The following RGS6 variants were observed in gnomAD, a reference collection of about 807,000 sequenced individuals.
RGS6 encodes regulator of G-protein signaling 6.
RGS6 carries 30 observed loss-of-function variants against 78.5 expected under a neutral mutation model. The observed-to-expected ratio is 0.38, with a 90% CI of 0.29 to 0.52. The LOEUF (loss-of-function observed/expected upper bound fraction) is 0.52. Ranked by LOEUF, RGS6 falls within the 20% of genes least tolerant of loss-of-function variation. RGS6 has a pLI of 0.85. For synonymous variants in RGS6, 206 were observed against 206.0 expected (o/e 1.00, Z 0.00); for missense variants, 495 against 609.7 (o/e 0.81, Z 1.98).
intron 2 of RGS6, among the ~76,000 whole-genome samples, chr14:71,991,769 A>G (rs1487511003): frequency 6.6e-6 from 1 of 152,134 alleles, no homozygotes; most frequent in Non-Finnish European, 1.5e-5. Context: ...TTTTCTTGTG[A>G]CAGTCAATAT....
At chr14:72,608,672 G>C in the RGS6 span, among the ~76,000 whole-genome samples, 1 of 152,184 alleles carries the variant, frequency 6.6e-6, no homozygotes, top group Non-Finnish European at 1.5e-5. Context: ...CTCTACTCCT[G>C]CAGATGAAGC....
chr14:71,897,493 T>G, the RGS6 span, among the ~76,000 whole-genome samples: 1 of 152,110 alleles, frequency 6.6e-6, no homozygotes, highest in African/African-American at 2.4e-5. Context: ...TCATTACCCA[T>G]TGTTAGATTT....
chr14:72,437,355 A>G (rs910290142), intron 3 of RGS6, among the ~76,000 whole-genome samples: 2 of 123,598 alleles, frequency 1.6e-5, no homozygotes, highest in East Asian at 2.7e-4. Flanking sequence ...AAAAAAAAAA[A>G]AAAAAAAGGA....
intron 17 of RGS6, among the ~76,000 whole-genome samples, chr14:72,552,005 G>A (rs61489880): frequency 0.026 from 4,009 of 152,320 alleles, 97 homozygotes; most frequent in East Asian, 0.11. Context: ...CTTAGAATCA[G>A]TTTCATCATT....
intron 2 of RGS6, among the ~76,000 whole-genome samples, chr14:72,224,220 A>T (rs1042515230): frequency 3.3e-5 from 5 of 152,154 alleles, no homozygotes; most frequent in Admixed American, 2.0e-4. Context: ...GGAGTTCAAA[A>T]CCAGCCTGGG....
At chr14:72,314,892 T>C (rs1457280830) in intron 2 of RGS6, among the ~76,000 whole-genome samples, 1 of 152,250 alleles carries the variant, frequency 6.6e-6, no homozygotes, top group East Asian at 1.9e-4. Context: ...TGATAAATTC[T>C]GTGCATGTGA....
At chr14:72,426,158 A>T (rs1317966000) in intron 3 of RGS6, among the ~76,000 whole-genome samples, 1 of 152,214 alleles carries the variant, frequency 6.6e-6, no homozygotes. Context: ...TCTAAGCTAT[A>T]TTACTAAGTT....
intron 2 of RGS6, among the ~76,000 whole-genome samples, chr14:72,085,040 C>T (rs1019694408): frequency 6.6e-6 from 1 of 152,160 alleles, no homozygotes; most frequent in Non-Finnish European, 1.5e-5. Flanking sequence ...TTATCTTCAT[C>T]ATCAGCATGC....
chr14:72,629,610 A>T, the RGS6 span: 1 of 1,532,286 alleles, frequency 6.5e-7, no homozygotes, highest in South Asian at 1.2e-5. Context: ...CCACAGGGAA[A>T]GCCCCAAACT....
At chr14:72,323,733 C>T (rs528334133) in intron 2 of RGS6, among the ~76,000 whole-genome samples, 5 of 123,126 alleles carry the variant, frequency 4.1e-5, no homozygotes, top group Admixed American at 1.0e-4. Flanking sequence ...ACCTGGGAGG[C>T]GGAGGTTGCA....
rs138208573 is a variant in RGS6, at chr14:72,078,526, G to A, written c.84+113651G>A. On this transcript the variant is annotated intron_variant, in intron 2 of 17. Coordinates refer to ENST00000553525, the MANE Select transcript of RGS6 (RefSeq NM_001204424.2). Reference sequence around the variant, plus strand: ...CCTCCCAGGTTCAAGTGATTCTCCCGCCTCAGCTTCCCAAGTAGCTGGGAT... The same window carrying A: ...CCTCCCAGGTTCAAGTGATTCTCCCACCTCAGCTTCCCAAGTAGCTGGGAT... Among the ~76,000 whole-genome samples, 624 of 151,980 alleles carry A rather than the reference G, an allele frequency of 4.1e-3. 4 individuals are homozygous for A. Among genetic ancestry groups the A allele is most frequent in the African/African-American group, 0.014 (567 of 41,432 alleles).
chr14:72,386,565 T>G (rs538974158), intron 3 of RGS6, among the ~76,000 whole-genome samples: 17 of 151,996 alleles, frequency 1.1e-4, no homozygotes, highest in Non-Finnish European at 1.8e-4. Flanking sequence ...ATTTGGAGGA[T>G]TTTCCCAGAG....
chr14:72,000,937 G>A (rs2083305608), intron 2 of RGS6, among the ~76,000 whole-genome samples: 1 of 152,156 alleles, frequency 6.6e-6, no homozygotes, highest in Non-Finnish European at 1.5e-5. Flanking sequence ...AGTGCCAGAA[G>A]ACCACAAAGA....
At chr14:71,977,105 G>A (rs1392317958) in intron 2 of RGS6, among the ~76,000 whole-genome samples, 1 of 117,658 alleles carries the variant, frequency 8.5e-6, no homozygotes, top group African/African-American at 3.0e-5. Flanking sequence ...TTTTTGATGG[G>A]GTGGTTTGTT....
At chr14:72,101,493 A>G (rs1162587264) in intron 2 of RGS6, among the ~76,000 whole-genome samples, 5 of 152,226 alleles carry the variant, frequency 3.3e-5, no homozygotes, top group Non-Finnish European at 7.3e-5. Context: ...ACTGCGCTCT[A>G]GTAACATACA....
chr14:72,225,148 G>A (rs1361455862), intron 2 of RGS6, among the ~76,000 whole-genome samples: 1 of 152,110 alleles, frequency 6.6e-6, no homozygotes, highest in Admixed American at 6.5e-5. Flanking sequence ...ATGACATTAG[G>A]CTCCTGGGTC....
chr14:72,203,613 A>G (rs968491800), intron 2 of RGS6, among the ~76,000 whole-genome samples: 2 of 152,162 alleles, frequency 1.3e-5, no homozygotes, highest in South Asian at 4.1e-4. Context: ...TAGAGACATC[A>G]GTTCCTTGCC....
chr14:72,117,499 C>T (rs940537403), intron 2 of RGS6, among the ~76,000 whole-genome samples: 5 of 152,108 alleles, frequency 3.3e-5, no homozygotes, highest in Admixed American at 2.0e-4. Flanking sequence ...ATATTGGCAC[C>T]GTGCTTTGTG....
intron 2 of RGS6, among the ~76,000 whole-genome samples, chr14:72,187,912 T>C (rs939463526): frequency 4.6e-5 from 7 of 152,248 alleles, no homozygotes; most frequent in African/African-American, 1.7e-4. Flanking sequence ...TTGTTCCCCA[T>C]GCATGTTTCT....
Sources: allele counts gnomAD v4.1 joint callset (sites outside exome capture counted in the v4.1 genomes callset), GRCh38; gene constraint gnomAD v4.1.1; transcripts MANE v1.5; gene names NCBI Gene and HGNC (gene_info 2026-07-23, HGNC 2026-07-21).